Variants in ARMH1 observed in about 807,000 individuals in gnomAD.
ARMH1 encodes armadillo-like helical domain containing protein 1.
A neutral mutation model predicts 50.2 loss-of-function variants in ARMH1; 34 were observed. The observed-to-expected ratio is 0.68, with a 90% CI of 0.51 to 0.90. ARMH1 has a LOEUF of 0.90. ARMH1 is among the 40% of genes least tolerant of loss of function. The pLI is 0.00. For missense variants in ARMH1, 538 were observed against 553.9 expected, an observed-to-expected ratio of 0.97 and a Z score of 0.29; for synonymous variants, 221 against 224.2, an observed-to-expected ratio of 0.99 and a Z score of 0.13.
At chr1:44,685,645 T>C (rs1287909188) in intron 1 of ARMH1, among the ~76,000 whole-genome samples, 1 of 151,080 alleles carries the variant, frequency 6.6e-6, no homozygotes, top group African/African-American at 2.4e-5. Context: ...TTTTTTTTTT[T>C]TGAGACAGAG....
chr1:44,687,434 A>G (rs1645509205), intron 1 of ARMH1, among the ~76,000 whole-genome samples: 1 of 152,222 alleles, frequency 6.6e-6, no homozygotes, highest in South Asian at 2.1e-4. Flanking sequence ...TCAGCCCATA[A>G]CAAGTAGTAT....
chr1:44,702,324 G>T (rs562720561), intron 5 of ARMH1, among the ~76,000 whole-genome samples: 1 of 152,098 alleles, frequency 6.6e-6, no homozygotes, highest in East Asian at 1.9e-4. Flanking sequence ...ACCCAAGGCC[G>T]CATGCTAAGT....
At chr1:44,700,841 T>A (rs2355710) in intron 4 of ARMH1, 82 bp from the exon 5 acceptor site, 296,596 of 1,240,674 alleles carry the variant, frequency 0.24, 42,195 homozygotes, top group East Asian at 0.7. Context: ...GAGCTTTTAA[T>A]CCTATTCATA....
intron 5 of ARMH1, among the ~76,000 whole-genome samples, chr1:44,703,231 C>G (rs916616107): frequency 3.3e-5 from 5 of 152,074 alleles, no homozygotes; most frequent in African/African-American, 9.7e-5. Flanking sequence ...CTCTCTCCCC[C>G]AATCAGAGTA....
At chr1:44,697,463 C>T (rs537418909) in intron 3 of ARMH1, among the ~76,000 whole-genome samples, 177 of 152,198 alleles carry the variant, frequency 1.2e-3, no homozygotes, top group Non-Finnish European at 2.1e-3. Context: ...CTGGAAAAAC[C>T]CAGAGGGTAG....
rs372541956 is a variant in ARMH1, at chr1:44,725,343, C to T, written c.1263C>T (p.Arg421=). 1,071 of 1,551,702 alleles carry T rather than the reference C, an allele frequency of 6.9e-4. 13 individuals carry two copies. The South Asian group carries it at 0.012, about 17-fold the overall frequency. Residue 421 remains arginine, a synonymous_variant, in exon 12 of 12, where the codon CGC becomes CGT. Coordinates refer to ENST00000535358, the MANE Select transcript of ARMH1 (RefSeq NM_001145636.2). ...GCATGAACACTCTCTATGGCTCGCG[C>T]GATTCGGCTCAGATGGCCTACCTCA... The part of the protein sequence containing the change: ...SYSMNTLYGS[R]DSAQMAYLTH...
intron 6 of ARMH1, among the ~76,000 whole-genome samples, chr1:44,714,392 C>T (rs2148734387): frequency 6.6e-6 from 1 of 151,068 alleles, no homozygotes; most frequent in South Asian, 2.1e-4. Flanking sequence ...TCGAGACCAC[C>T]CTGACCAACA....
intron 2 of ARMH1, among the ~76,000 whole-genome samples, chr1:44,691,575 C>A (rs1645660772): frequency 6.6e-6 from 1 of 152,130 alleles, no homozygotes; most frequent in Non-Finnish European, 1.5e-5. Flanking sequence ...AATGCTGTTC[C>A]TTGGGATTCC....
At position 44,724,626 on chromosome 1, in the gene ARMH1, G is replaced by A; in HGVS notation, c.1008G>A (p.Thr336=). ...VRGLMAAMGN[T]DHSNSQRLAS... ...GCCTAATGGCCGCCATGGGCAACAC[G>A]GACCACAGCAACAGCCAGCGGCTGG... Residue 336 remains threonine, a synonymous_variant, in exon 9 of 12, where the codon ACG becomes ACA. Coordinates refer to ENST00000535358, the MANE Select transcript of ARMH1 (RefSeq NM_001145636.2). This position sits in a 1 kb window ranked among gnomAD's most constrained non-coding sequence, Gnocchi z 6.4. The A allele has an allele frequency of 1.3e-6, 2 of 1,509,750 alleles. No individual in the cohort carries two copies. The highest frequency in any genetic ancestry group is 1.4e-5 in the African/African-American group (1 of 69,166). The allele number at this position is 1,509,750 out of a possible 1,614,324, so 93.5% of individuals were successfully genotyped here.
chr1:44,675,048 G>T (rs1344219962), intron 1 of ARMH1, among the ~76,000 whole-genome samples, 175 bp downstream of exon 1: 1 of 152,158 alleles, frequency 6.6e-6, no homozygotes, highest in African/African-American at 2.4e-5. Flanking sequence ...CCGAGGAGCT[G>T]GGAGTGCAAC....
chr1:44,704,511 T>G (rs1646248162), intron 6 of ARMH1, among the ~76,000 whole-genome samples: 1 of 130,560 alleles, frequency 7.7e-6, no homozygotes, highest in African/African-American at 2.8e-5. Flanking sequence ...TGGTTGTTTT[T>G]GCTGGGTTTT....
In ARMH1 at chr1:44,682,082, C is replaced by A. The variant is rs141164725; in HGVS notation, c.-23+7209C>A. Among the ~76,000 whole-genome samples, 7 of 152,298 alleles carry A rather than the reference C, an allele frequency of 4.6e-5. No individual in the cohort carries two copies. Among genetic ancestry groups the A allele is most frequent in the Admixed American group, 1.3e-4 (2 of 15,292 alleles). ...GTTAACCAATCCCAAGCCCAGTGCT[C>A]GGCTCAGAGTTGGCACCTGGGAATC... On this transcript the variant is annotated intron_variant, in intron 1 of 11. Transcript: ENST00000535358. This position sits in a 1 kb window ranked among gnomAD's most constrained non-coding sequence, Gnocchi z 4.5.
intron 6 of ARMH1, among the ~76,000 whole-genome samples, chr1:44,715,797 T>C (rs1357699460): frequency 6.6e-6 from 1 of 152,176 alleles, no homozygotes; most frequent in Non-Finnish European, 1.5e-5. Flanking sequence ...TGGCCTCAAG[T>C]GATCATCTGC....
At chr1:44,716,746 G>C (rs1370441145) in intron 6 of ARMH1, among the ~76,000 whole-genome samples, 1 of 152,106 alleles carries the variant, frequency 6.6e-6, no homozygotes, top group Non-Finnish European at 1.5e-5. Context: ...CATCTGTCCA[G>C]TATGGCGCCC....
intron 1 of ARMH1, among the ~76,000 whole-genome samples, chr1:44,685,369 C>T (rs1645436067): frequency 2.7e-5 from 4 of 150,498 alleles, no homozygotes; most frequent in South Asian, 4.2e-4. Context: ...AGTGCAGTGG[C>T]GGGATCATAG....
rs1271636672 is a variant in ARMH1 at position 44,689,881 on chromosome 1, T to C, written c.184T>C (p.Leu62=). ...SQGASLFLVR[L]TTSLRITYMT... ...GGGAGCCAGTTTGTTCCTGGTACGC[T>C]TGACCACCTCGCTTAGAATCACGTA... is the stretch of plus-strand genomic sequence containing the variant. The change falls in exon 2 of 12, where the codon TTG becomes CTG. Residue 62 remains leucine, a synonymous_variant. Transcript: ENST00000535358. The C allele has an allele frequency of 6.4e-7, 1 of 1,550,826 alleles. No individual in the cohort carries two copies. Among genetic ancestry groups the C allele is most frequent in the Non-Finnish European group, 8.7e-7 (1 of 1,146,950 alleles).
chr1:44,676,800 G>C (rs76765824), intron 1 of ARMH1, among the ~76,000 whole-genome samples: 6,177 of 152,196 alleles, frequency 0.041, 277 homozygotes, highest in African/African-American at 0.087. Context: ...GGCTATTTAG[G>C]AGAAGAAAAA....
At chr1:44,709,498 C>G (rs547389483) in intron 6 of ARMH1, among the ~76,000 whole-genome samples, 4 of 152,200 alleles carry the variant, frequency 2.6e-5, no homozygotes, top group East Asian at 1.9e-4. Flanking sequence ...CGGTGAAACC[C>G]CATCTCTACT....
chr1:44,716,301 C>T (rs1303851085), intron 6 of ARMH1, among the ~76,000 whole-genome samples: 2 of 152,188 alleles, frequency 1.3e-5, no homozygotes, highest in African/African-American at 2.4e-5. Context: ...AGAGTGTTAA[C>T]TCTATGCTGG....
Sources: gnomAD v4.1 joint callset for allele counts (sites outside exome capture counted in the v4.1 genomes callset) on GRCh38, gnomAD v4.1.1 for gene constraint, Gnocchi (gnomAD v3.1) non-coding constraint, MANE v1.5 for transcripts, NCBI Gene and HGNC (gene_info 2026-07-23, HGNC 2026-07-21) for gene names.